Variants in LYPD6 observed in about 807,000 individuals in gnomAD.
LYPD6 encodes the protein ly6/PLAUR domain-containing protein 6.
Under a neutral mutation model 22.7 loss-of-function variants are expected in LYPD6, and 15 were observed. That is an observed-to-expected ratio of 0.66 (90% CI 0.44 to 1.02). The LOEUF (loss-of-function observed/expected upper bound fraction) is 1.02, where lower values mean the gene tolerates loss of function less well. Among genes scored for constraint, LYPD6 ranks in the 50% least tolerant of loss-of-function variants. LYPD6 has a pLI of 0.00. For missense variants in LYPD6, 189 were observed against 208.4 expected, an observed-to-expected ratio of 0.91 and a Z score of 0.57; for synonymous variants, 72 against 77.5, an observed-to-expected ratio of 0.93 and a Z score of 0.37.
At chr2:149,399,601 C>T (rs1175957135) in intron 1 of LYPD6, among the ~76,000 whole-genome samples, 2 of 150,910 alleles carry the variant, frequency 1.3e-5, no homozygotes, top group Admixed American at 6.6e-5. Flanking sequence ...TTGGAGTAAA[C>T]TATTGGCCCA....
intron 3 of LYPD6, among the ~76,000 whole-genome samples, chr2:149,450,357 A>G (rs1683779703): frequency 6.6e-6 from 1 of 152,236 alleles, no homozygotes. Flanking sequence ...GCTCTACACA[A>G]ATTGAGCCAG....
chr2:149,468,132 A>AACACACAT (rs1681244118), intron 3 of LYPD6, among the ~76,000 whole-genome samples: 2 of 114,664 alleles, frequency 1.7e-5, no homozygotes, highest in African/African-American at 3.4e-5. Flanking sequence ...GCTTCCCCCC[A>AACACACAT]ACACACACAC....
intron 1 of LYPD6, among the ~76,000 whole-genome samples, chr2:149,406,842 A>T (rs1423258268): frequency 2.6e-5 from 4 of 152,094 alleles, no homozygotes; most frequent in African/African-American, 9.7e-5. Flanking sequence ...GGTCTTTACA[A>T]TTTGGCATGA....
chr2:149,445,031 A>G (rs1683654743), intron 2 of LYPD6, among the ~76,000 whole-genome samples: 1 of 152,244 alleles, frequency 6.6e-6, no homozygotes, highest in Non-Finnish European at 1.5e-5. Context: ...GAAACTCAAA[A>G]TGACTTCTTG....
chr2:149,432,781 G>T (rs1305113622), intron 1 of LYPD6, among the ~76,000 whole-genome samples: 1 of 152,116 alleles, frequency 6.6e-6, no homozygotes, highest in Non-Finnish European at 1.5e-5. Context: ...CCAGGGGAGG[G>T]CATGGTAAGA....
chr2:149,456,745 T>C (rs1680966817), intron 3 of LYPD6, among the ~76,000 whole-genome samples: 1 of 152,170 alleles, frequency 6.6e-6, no homozygotes, highest in African/African-American at 2.4e-5. Flanking sequence ...ATTTCTAGCC[T>C]CCAGGACTGT....
chr2:149,420,157 T>C (rs1292272544), intron 1 of LYPD6, among the ~76,000 whole-genome samples: 1 of 152,198 alleles, frequency 6.6e-6, no homozygotes, highest in African/African-American at 2.4e-5. Context: ...CTCACAAGCA[T>C]AGTTACTCAC....
In LYPD6 at chr2:149,472,125, A is replaced by G. The variant is rs974646579; in HGVS notation, c.*1275A>G. On this transcript the variant is annotated 3_prime_UTR_variant, in exon 5 of 5. Transcript: ENST00000334166. The stretch of plus-strand genomic sequence containing the variant: ...TAAACAGTATTTATTTTTGTAAGGC[A>G]TAACTAGAAACTAAAATATATTCTA... 2.6e-5 allele frequency: 4 copies of G among 152,236 alleles called. No individual in the cohort carries two copies. The highest frequency in any genetic ancestry group is 7.2e-5 in the African/African-American group (3 of 41,456). 9.4% of individuals were successfully genotyped at this position (152,236 alleles called of 1,614,324 possible).
chr2:149,475,472 T>G (rs991048450), downstream of LYPD6, among the ~76,000 whole-genome samples: 1 of 152,194 alleles, frequency 6.6e-6, no homozygotes, highest in African/African-American at 2.4e-5. Context: ...TAATTTGGTG[T>G]TACAAAACCA....
chr2:149,421,719 A>T (rs1441831509), intron 1 of LYPD6, among the ~76,000 whole-genome samples: 1 of 152,150 alleles, frequency 6.6e-6, no homozygotes, highest in Non-Finnish European at 1.5e-5. Context: ...TTTAGTTTTA[A>T]AGCCATATAT....
intron 3 of LYPD6, among the ~76,000 whole-genome samples, chr2:149,456,247 G>A (rs1680955059): frequency 6.6e-6 from 1 of 152,008 alleles, no homozygotes; most frequent in Non-Finnish European, 1.5e-5. Context: ...TTCATCTTGG[G>A]CTCTTTTTTT....
intron 3 of LYPD6, among the ~76,000 whole-genome samples, chr2:149,454,943 C>T (rs1392174829): frequency 6.6e-6 from 1 of 152,102 alleles, no homozygotes; most frequent in Non-Finnish European, 1.5e-5. Context: ...GATGAAGGTG[C>T]TGCCCTACTT....
intron 1 of LYPD6, among the ~76,000 whole-genome samples, chr2:149,420,704 C>T (rs1683059533): frequency 1.3e-5 from 2 of 152,274 alleles, no homozygotes; most frequent in Admixed American, 6.5e-5. Context: ...CTGCCTACTT[C>T]CTTTCCCCAA....
intron 2 of LYPD6, among the ~76,000 whole-genome samples, chr2:149,448,659 A>G (rs961419282): frequency 6.6e-6 from 1 of 152,128 alleles, no homozygotes; most frequent in Admixed American, 6.5e-5. Context: ...TATTCACTCC[A>G]AATAATTTCC....
intron 1 of LYPD6, among the ~76,000 whole-genome samples, chr2:149,357,762 C>G (rs1681474784): frequency 1.3e-5 from 2 of 149,064 alleles, no homozygotes; most frequent in South Asian, 4.2e-4. Context: ...TCATGAAATA[C>G]ATTTCTTTCT....
intron 2 of LYPD6, among the ~76,000 whole-genome samples, chr2:149,438,788 C>G (rs1305649134): frequency 6.6e-6 from 1 of 152,194 alleles, no homozygotes; most frequent in Non-Finnish European, 1.5e-5. Context: ...TCTGGGTTAG[C>G]TGAGAGGTGG....
intron 1 of LYPD6, among the ~76,000 whole-genome samples, chr2:149,348,564 G>A (rs1469036137): frequency 3.3e-5 from 5 of 152,204 alleles, no homozygotes; most frequent in African/African-American, 4.8e-5. Flanking sequence ...TGCCTGGCTT[G>A]CCCTCCAAGA....
intron 1 of LYPD6, among the ~76,000 whole-genome samples, chr2:149,346,356 CA>C (rs1339063918): frequency 6.6e-6 from 1 of 152,190 alleles, no homozygotes; most frequent in Non-Finnish European, 1.5e-5. Context: ...TTCTGTACTG[CA>C]GCAGCTCAAT....
chr2:149,331,806 T>C (rs1680944003), intron 1 of LYPD6, among the ~76,000 whole-genome samples: 6 of 152,224 alleles, frequency 3.9e-5, no homozygotes. Context: ...CAAGGGAGTT[T>C]AGATTCTCCA....
Sources: gnomAD v4.1 joint callset for allele counts (sites outside exome capture counted in the v4.1 genomes callset) on GRCh38, gnomAD v4.1.1 for gene constraint, MANE v1.5 for transcripts, NCBI Gene and HGNC (gene_info 2026-07-23, HGNC 2026-07-21) for gene names.